Variants in ASAP1 observed in about 807,000 individuals in gnomAD.
The protein encoded by ASAP1 is ArfGAP with SH3 domain, ankyrin repeat and PH domain 1.
In ASAP1, 43 loss-of-function variants were observed where a neutral mutation model predicts 145.2. The observed-to-expected ratio is 0.30, with a 90% CI of 0.23 to 0.38. ASAP1 has a LOEUF of 0.38. Ranked by LOEUF, ASAP1 falls within the 10% of genes least tolerant of loss-of-function variation. The pLI is 1.00. For synonymous variants in ASAP1, 546 were observed against 515.5 expected, an observed-to-expected ratio of 1.06 and a Z score of -0.80; for missense variants, 1,018 against 1,355.3, an observed-to-expected ratio of 0.75 and a Z score of 3.91.
chr8:130,425,348 T>C lies in ASAP1; in HGVS notation c.-28+18112A>G, dbSNP rs556110268. On this transcript the variant is annotated intron_variant, in intron 1 of 29. Coordinates refer to ENST00000518721, the MANE Select transcript of ASAP1 (RefSeq NM_018482.4). ...CTCCATCTCAAAATATATATATATATGTAAATAAAAATACAAAAATAAGCC... is the reference window on the plus strand; with the variant it reads ...CTCCATCTCAAAATATATATATATACGTAAATAAAAATACAAAAATAAGCC... 7.3e-5 allele frequency among the ~76,000 whole-genome samples: 11 copies of C among 150,834 alleles called. No individual in the cohort carries two copies. The East Asian group carries it at 2.1e-3, about 29-fold the overall frequency.
At chr8:130,129,544 T>TGTCTATATAACATA (rs2097580108) in intron 15 of ASAP1, among the ~76,000 whole-genome samples, 1 of 152,234 alleles carries the variant, frequency 6.6e-6, no homozygotes, top group African/African-American at 2.4e-5. Flanking sequence ...TTTTTGTTAC[T>TGTCTATATAACATA]ATATAGACAG....
chr8:130,316,379 T>G lies in ASAP1; in HGVS notation c.186+41638A>C, dbSNP rs192592687. Among the ~76,000 whole-genome samples the G allele has an allele frequency of 2.5e-3, 385 of 152,348 alleles. 2 individuals carry two copies. The highest frequency in any genetic ancestry group is 7.0e-3 in the African/African-American group (291 of 41,584). ...CTTTATCTCTTTTCTACTCCAAGTA[T>G]TCCTGATGTGGCCTTGTGACAGACA... On this transcript the variant is annotated intron_variant, in intron 3 of 29. Transcript: ENST00000518721.
chr8:130,201,706 C>T (rs1042524083), intron 5 of ASAP1, among the ~76,000 whole-genome samples: 3 of 152,200 alleles, frequency 2.0e-5, no homozygotes, highest in Non-Finnish European at 2.9e-5. Flanking sequence ...AAAGATATCC[C>T]TATCCTAAGG....
At position 130,169,041 on chromosome 8, in the gene ASAP1, G is replaced by A; in HGVS notation, c.773C>T (p.Ala258Val). ...CNFFQDGLKT[A>V]DKLKQYIEKL... ...TTCAATGTACTGTTTCAACTTATCA[G>A]CTGTTTTCAAGCCATCTTGAAAGAA... Residue 258 changes from alanine (A) to valine (V), a missense_variant, in exon 10 of 30, where the codon GCT (alanine) becomes GTT (valine). By Grantham distance (64) the Ala-to-Val change is moderately conservative (BLOSUM62 0). Around this residue, in one of 9 missense-constraint regions of ASAP1, gnomAD observed 62 missense variants for 68.5 expected, o/e 0.90. Transcript: ENST00000518721. 6.4e-7 allele frequency: 1 copy of A among 1,569,364 alleles called. No homozygotes were observed. The highest frequency in any genetic ancestry group is 1.2e-5 in the South Asian group (1 of 82,156).
At chr8:130,203,090 A>T (rs955622435) in intron 5 of ASAP1, among the ~76,000 whole-genome samples, 15 of 149,524 alleles carry the variant, frequency 1.0e-4, no homozygotes, top group Non-Finnish European at 6.0e-5. Flanking sequence ...AATTTGAATT[A>T]AAAAAAAAAC....
intron 2 of ASAP1, among the ~76,000 whole-genome samples, chr8:130,372,796 TTGAAA>T (rs1166091145): frequency 6.6e-6 from 1 of 152,192 alleles, no homozygotes; most frequent in East Asian, 1.9e-4. Flanking sequence ...AGAATTCAGA[TTGAAA>T]TGTATTACAG....
At chr8:130,185,794 T>C (rs1284780047) in intron 7 of ASAP1, among the ~76,000 whole-genome samples, 1 of 150,180 alleles carries the variant, frequency 6.7e-6, no homozygotes, top group African/African-American at 2.4e-5. Flanking sequence ...AGTTCATATG[T>C]TGAGTGAGAA....
chr8:130,401,765 A>G, intron 2 of ASAP1, 120 bp downstream of exon 2: 1 of 863,908 alleles, frequency 1.2e-6, no homozygotes, highest in Non-Finnish European at 1.8e-6. Context: ...TCGTGCACAC[A>G]GTCTCTGTTA....
intron 27 of ASAP1, among the ~76,000 whole-genome samples, chr8:130,069,896 A>G (rs2097438777): frequency 6.6e-6 from 1 of 152,234 alleles, no homozygotes; most frequent in Admixed American, 6.5e-5. Context: ...CCTTGGCAGA[A>G]GACCCAAAGC....
chr8:130,079,754 T>G (rs902461551), intron 26 of ASAP1, 148 bp downstream of exon 26: 2 of 747,538 alleles, frequency 2.7e-6, no homozygotes, highest in African/African-American at 3.5e-5. Flanking sequence ...AAACCAAGAG[T>G]GAACGTCTGG....
chr8:130,401,086 T>G (rs1329658765), intron 2 of ASAP1, among the ~76,000 whole-genome samples: 1 of 151,848 alleles, frequency 6.6e-6, no homozygotes, highest in Non-Finnish European at 1.5e-5. Context: ...TTCACCATGT[T>G]GGCCAGGCTG....
intron 14 of ASAP1, among the ~76,000 whole-genome samples, chr8:130,134,711 TA>T (rs1260727678): frequency 1.3e-5 from 2 of 152,224 alleles, no homozygotes; most frequent in Admixed American, 1.3e-4. Context: ...TGCTTTTGAA[TA>T]AACAGTGAGG....
chr8:130,442,936 C>G (rs1830536140), intron 1 of ASAP1, among the ~76,000 whole-genome samples: 1 of 152,178 alleles, frequency 6.6e-6, no homozygotes, highest in Admixed American at 6.5e-5. Context: ...GTAGGACTCC[C>G]CCCACCCCCT....
chr8:130,184,785 CTATT>C (rs991186441), intron 7 of ASAP1, among the ~76,000 whole-genome samples: 3 of 152,342 alleles, frequency 2.0e-5, no homozygotes, highest in African/African-American at 7.2e-5. Flanking sequence ...TTAGTAGAAA[CTATT>C]TATTGTGTGA....
At chr8:130,158,348 T>A (rs868367697) in intron 12 of ASAP1, among the ~76,000 whole-genome samples, 44 of 137,380 alleles carry the variant, frequency 3.2e-4, no homozygotes, top group East Asian at 2.5e-3. Context: ...TGCTTATATT[T>A]AAAAAAAAAA....
At chr8:130,341,019 G>A (rs376612973) in intron 3 of ASAP1, 1 of 413,176 alleles carries the variant, frequency 2.4e-6, no homozygotes, top group Non-Finnish European at 4.8e-6. Flanking sequence ...TGGTTTTTTA[G>A]AGTGTTTTTT....
At chr8:130,239,271 ATAAC>A (rs1353786429) in intron 3 of ASAP1, among the ~76,000 whole-genome samples, 1 of 152,156 alleles carries the variant, frequency 6.6e-6, no homozygotes, top group Non-Finnish European at 1.5e-5. Flanking sequence ...AAGAGGGAAG[ATAAC>A]TAATATTTAA....
chr8:130,433,041 C>T (rs1830191808), intron 1 of ASAP1, among the ~76,000 whole-genome samples: 1 of 152,216 alleles, frequency 6.6e-6, no homozygotes, highest in Non-Finnish European at 1.5e-5. Context: ...CCCACATCTC[C>T]ACCCTGCTGC....
chr8:130,129,677 G>C (rs2097580252), intron 15 of ASAP1, among the ~76,000 whole-genome samples: 1 of 152,052 alleles, frequency 6.6e-6, no homozygotes. Flanking sequence ...ATAAGCAATA[G>C]TGACAGCATA....
Sources: gnomAD v4.1 joint callset for allele counts (sites outside exome capture counted in the v4.1 genomes callset) on GRCh38, gnomAD v4.1.1 for gene constraint, gnomAD v4.1.1 regional missense constraint, MANE v1.5 for transcripts, NCBI Gene and HGNC (gene_info 2026-07-23, HGNC 2026-07-21) for gene names.